The following CKAP2L variants were observed in gnomAD, a reference collection of about 807,000 sequenced individuals.
CKAP2L encodes cytoskeleton associated protein 2L, also known as cytoskeleton-associated protein 2-like.
CKAP2L carries 42 observed loss-of-function variants against 65.7 expected under a neutral mutation model. The observed-to-expected ratio is 0.64, with a 90% CI of 0.50 to 0.83. The LOEUF is 0.83. CKAP2L is among the 40% of genes least tolerant of loss of function. CKAP2L has a pLI of 0.00. For missense variants in CKAP2L, 908 were observed against 871.0 expected (o/e 1.04, Z -0.53); for synonymous variants, 325 against 313.5 (o/e 1.04, Z -0.39).
At chr2:112,759,861 A>G (rs1680667156) in intron 3 of CKAP2L, among the ~76,000 whole-genome samples, 1 of 151,914 alleles carries the variant, frequency 6.6e-6, no homozygotes, top group Non-Finnish European at 1.5e-5. Flanking sequence ...TTTTCACTTC[A>G]GGAAGCACTA....
At chr2:112,758,554 G>C (rs1028204496) in intron 3 of CKAP2L, among the ~76,000 whole-genome samples, 2 of 152,124 alleles carry the variant, frequency 1.3e-5, no homozygotes, top group Non-Finnish European at 2.9e-5. Flanking sequence ...AGTTGGGAGT[G>C]GGAGGCAGAG....
At chr2:112,746,731 C>T (rs1392159475) in intron 5 of CKAP2L, among the ~76,000 whole-genome samples, 156 bp from the exon 6 acceptor site, 1 of 152,036 alleles carries the variant, frequency 6.6e-6, no homozygotes, top group Non-Finnish European at 1.5e-5. Flanking sequence ...GTACAATGTA[C>T]ATGTAATAAA....
At chr2:112,762,104 G>A (rs1295539921) in intron 2 of CKAP2L, among the ~76,000 whole-genome samples, 1 of 152,160 alleles carries the variant, frequency 6.6e-6, no homozygotes, top group Admixed American at 6.5e-5. Flanking sequence ...ACTCTGCTAC[G>A]GAGGATTGAT....
At chr2:112,760,881 G>C (rs535059699) in intron 2 of CKAP2L, 117 bp from the exon 3 acceptor site, 2 of 625,678 alleles carry the variant, frequency 3.2e-6, no homozygotes, top group Non-Finnish European at 2.8e-6. Flanking sequence ...TTCTGTAATG[G>C]CAAAATAATT....
intron 3 of CKAP2L, among the ~76,000 whole-genome samples, chr2:112,760,056 T>C (rs987689539): frequency 3.3e-5 from 5 of 152,182 alleles, no homozygotes; most frequent in African/African-American, 1.2e-4. Flanking sequence ...AAAAACTATG[T>C]TTTAAAAAAC....
In CKAP2L at chr2:112,762,031, T is replaced by C. The variant is rs192788907; in HGVS notation, c.104+472A>G. Among the ~76,000 whole-genome samples the C allele has an allele frequency of 3.6e-4, 55 of 152,250 alleles. No individual in the cohort carries two copies. The East Asian group carries it at 5.4e-3, about 15-fold the overall frequency. ...GAATCTACAAAGGATAAAAATGAAG[T>C]GGACATGTTCTGTCTACCTTAACAG... On this transcript the variant is annotated intron_variant, in intron 2 of 8. Transcript: ENST00000302450.
intron 6 of CKAP2L, among the ~76,000 whole-genome samples, chr2:112,743,377 C>T (rs1230266826): frequency 1.3e-5 from 2 of 152,000 alleles, no homozygotes; most frequent in South Asian, 2.1e-4. Context: ...CTCCTGACAT[C>T]GTGATCCACC....
At chr2:112,754,599 A>C (rs1680476794) in intron 4 of CKAP2L, among the ~76,000 whole-genome samples, 2 of 152,210 alleles carry the variant, frequency 1.3e-5, no homozygotes, top group Non-Finnish European at 2.9e-5. Context: ...AAAGGTAAAG[A>C]CTCACTGTGT....
intron 5 of CKAP2L, among the ~76,000 whole-genome samples, chr2:112,749,134 T>C (rs1481576034): frequency 6.6e-6 from 1 of 152,220 alleles, no homozygotes; most frequent in Non-Finnish European, 1.5e-5. Flanking sequence ...GAGTTTCAAA[T>C]TTGTTTAAAA....
intron 6 of CKAP2L, among the ~76,000 whole-genome samples, chr2:112,744,486 C>A (rs1473111828): frequency 6.6e-6 from 1 of 152,224 alleles, no homozygotes; most frequent in Admixed American, 6.5e-5. Context: ...AAACTCTATG[C>A]AGCCTAGTAA....
At position 112,746,656 on chromosome 2, in the gene CKAP2L, G is replaced by A. The variant is rs1195019240; in HGVS notation, c.1603-81C>T. The A allele has an allele frequency of 9.2e-6, 10 of 1,087,246 alleles. No homozygotes were observed. The East Asian group carries it at 2.4e-4, about 27-fold the overall frequency. The allele number at this position is 1,087,246 out of a possible 1,614,324, so 67.3% of individuals were successfully genotyped here. Reference sequence around the variant, plus strand: ...CATCTCCTAATATTTATTACAGCAGGTATGCAGAAATTGGTTTGATCACTA... The same window carrying A: ...CATCTCCTAATATTTATTACAGCAGATATGCAGAAATTGGTTTGATCACTA... On this transcript the variant is annotated intron_variant, in intron 5 of 8. Coordinates refer to ENST00000302450, the MANE Select transcript of CKAP2L (RefSeq NM_152515.5).
chr2:112,754,354 C>G (rs903654897), intron 4 of CKAP2L, among the ~76,000 whole-genome samples: 5 of 152,272 alleles, frequency 3.3e-5, no homozygotes, highest in African/African-American at 2.4e-5. Flanking sequence ...TTATTTCAGC[C>G]CCAAATACTG....
At chr2:112,753,798 G>C (rs1481227272) in intron 4 of CKAP2L, among the ~76,000 whole-genome samples, 1 of 152,132 alleles carries the variant, frequency 6.6e-6, no homozygotes, top group Non-Finnish European at 1.5e-5. Flanking sequence ...AAGGTGCTGG[G>C]ATTACAGGCG....
In CKAP2L at chr2:112,756,679, G is replaced by C; in HGVS notation, c.692C>G (p.Ser231Ter). 1 of 1,595,224 alleles carries C rather than the reference G, an allele frequency of 6.3e-7. No individual in the cohort carries two copies. Among genetic ancestry groups the C allele is most frequent in the Non-Finnish European group, 8.5e-7 (1 of 1,173,522 alleles). ...LVPKQALGKSSVNSAVLKDRV... is the reference protein window; with the variant it reads ...LVPKQALGKS ...ATCTTTCAGAACAGCACTATTAACTGAACTTTTGCCCAAGGCTTGTTTAGG... is the reference window on the plus strand; with the variant it reads ...ATCTTTCAGAACAGCACTATTAACTCAACTTTTGCCCAAGGCTTGTTTAGG... The change falls in exon 4 of 9, where the codon TCA (serine) becomes TGA (stop). Residue 231 changes from serine to a stop codon, truncating the protein, a stop_gained. Coordinates refer to ENST00000302450, the MANE Select transcript of CKAP2L (RefSeq NM_152515.5). LOFTEE classifies it high-confidence loss of function.
Position 112,757,111 on chromosome 2 carries a change from C to T in CKAP2L, c.260G>A (p.Gly87Glu). 2 of 1,614,058 alleles carry T rather than the reference C, an allele frequency of 1.2e-6. No individual in the cohort carries two copies. Among genetic ancestry groups the T allele is most frequent in the Non-Finnish European group, 1.7e-6 (2 of 1,180,010 alleles). ...KLQPRPPNTA[G>E]SQKPKLEPPK... ...TGGCTCCAACTTCGGCTTCTGGGAC[C>T]CTGCAGTATTAGGTGGTCTGGGCTG... Residue 87 changes from glycine (G) to glutamate (E), a missense_variant, in exon 4 of 9, where the codon GGG (glycine) becomes GAG (glutamate). Transcript: ENST00000302450.
chr2:112,738,607 A>G lies in CKAP2L; in HGVS notation c.*216T>C, dbSNP rs1010694503. On this transcript the variant is annotated 3_prime_UTR_variant, in exon 9 of 9. Transcript: ENST00000302450. Reference sequence around the variant, plus strand: ...ATATTCAAAAGTTTGAAATTTATGTATACTGTAAAACTGGCAAACTGGTCT... The same window carrying G: ...ATATTCAAAAGTTTGAAATTTATGTGTACTGTAAAACTGGCAAACTGGTCT... The G allele has an allele frequency of 8.9e-6, 5 of 560,536 alleles. No individual in the cohort carries two copies. Among genetic ancestry groups the G allele is most frequent in the South Asian group, 4.7e-5 (2 of 42,772 alleles). 34.7% of individuals were successfully genotyped at this position (560,536 alleles called of 1,614,324 possible). A position where few individuals can be genotyped will look rare whatever the true frequency, so the allele number is the denominator to read the frequency against.
intron 5 of CKAP2L, among the ~76,000 whole-genome samples, chr2:112,747,625 T>A (rs1447002161): frequency 6.6e-6 from 1 of 151,384 alleles, no homozygotes; most frequent in African/African-American, 2.5e-5. Context: ...GACAGTGACA[T>A]GGACCCAACG....
In CKAP2L at chr2:112,756,070, T is replaced by C. The variant is rs1206231550; in HGVS notation, c.1301A>G (p.Lys434Arg). 1 of 1,614,072 alleles carries C rather than the reference T, an allele frequency of 6.2e-7. No individual in the cohort carries two copies. The highest frequency in any genetic ancestry group is 2.2e-5 in the East Asian group (1 of 44,892). The change falls in exon 4 of 9, where the codon AAG becomes AGG. Residue 434 changes from lysine to arginine, a missense_variant. Transcript: ENST00000302450. The stretch of plus-strand genomic sequence containing the variant: ...ATCAGCTTGAGTTTTGGGAGCTGTC[T>C]TGTTCAGAAAATGGTTCTGGGGAAC... Reference protein sequence around the residue: ...KAVPQNHFLNKTAPKTQADVT... With the variant: ...KAVPQNHFLNRTAPKTQADVT...
At chr2:112,746,660 G>T in intron 5 of CKAP2L, 85 bp from the exon 6 acceptor site, 3 of 1,042,708 alleles carry the variant, frequency 2.9e-6, no homozygotes, top group Non-Finnish European at 4.1e-6. Flanking sequence ...CAGCAGGTAT[G>T]CAGAAATTGG....
Sources: allele counts gnomAD v4.1 joint callset (sites outside exome capture counted in the v4.1 genomes callset), GRCh38; gene constraint gnomAD v4.1.1; transcripts MANE v1.5; gene names NCBI Gene and HGNC (gene_info 2026-07-23, HGNC 2026-07-21).